The following ACP7 variants were observed in gnomAD, a reference collection of about 807,000 sequenced individuals.
ACP7 encodes the protein acid phosphatase 7, tartrate resistant (putative), also known as acid phosphatase type 7.
ACP7 carries 58 observed loss-of-function variants against 60.6 expected under a neutral mutation model. The ratio of observed to expected loss-of-function variants is 0.96; its 90% confidence interval spans 0.77 to 1.19. The LOEUF (loss-of-function observed/expected upper bound fraction) is 1.19. Among genes scored for constraint, ACP7 ranks in the 50% most tolerant of loss-of-function variants. ACP7 has a pLI of 0.00. For missense variants in ACP7, 574 were observed against 596.2 expected (o/e 0.96, Z 0.39); for synonymous variants, 237 against 232.6 (o/e 1.02, Z -0.17).
chr19:39,098,133 C>T (rs944163760), intron 2 of ACP7, among the ~76,000 whole-genome samples: 3 of 151,718 alleles, frequency 2.0e-5, no homozygotes, highest in African/African-American at 7.3e-5. Context: ...TGCTTGTAAT[C>T]CCAGCTACTC....
At position 39,099,135 on chromosome 19, in the gene ACP7, C is replaced by T. The variant is rs199766686; in HGVS notation, c.498C>T (p.Leu166=). 1 of 1,533,456 alleles carries T rather than the reference C, an allele frequency of 6.5e-7. No individual in the cohort carries two copies. Among genetic ancestry groups the T allele is most frequent in the Non-Finnish European group, 8.7e-7 (1 of 1,144,782 alleles). 95.0% of individuals were successfully genotyped at this position (1,533,456 alleles called of 1,614,324 possible). A position where few individuals can be genotyped will look rare whatever the true frequency, so the allele number is the denominator to read the frequency against. Residue 166 remains leucine (L), a synonymous_variant, in exon 4 of 13, where the codon CTC becomes CTT. Coordinates refer to ENST00000331256, the MANE Select transcript of ACP7 (RefSeq NM_001004318.3). ...DTQQGMYDAV[L]HVGDFAYNLD... ...AGCAGGGCATGTATGACGCCGTTCTCCATGTGGGTGAGGCATCCGCAGGGG... is the reference window on the plus strand; with the variant it reads ...AGCAGGGCATGTATGACGCCGTTCTTCATGTGGGTGAGGCATCCGCAGGGG...
Position 39,085,110 on chromosome 19 carries a change from T to C in ACP7, c.-160T>C, listed in dbSNP as rs8111996. The C allele has an allele frequency of 0.19, 167,008 of 895,602 alleles. 16,676 individuals carry two copies. The highest frequency in any genetic ancestry group is 0.28 in the Admixed American group (10,321 of 36,432). The allele number at this position is 895,602 out of a possible 1,614,324, so 55.5% of individuals were successfully genotyped here. On this transcript the variant is annotated 5_prime_UTR_variant, in exon 2 of 13. Coordinates refer to ENST00000331256, the MANE Select transcript of ACP7 (RefSeq NM_001004318.3). ...TCTCCAGCACCTGGATAACCACCCA[T>C]CTTGAAGGAGACCTCCCTGCCCTGC...
intron 2 of ACP7, among the ~76,000 whole-genome samples, chr19:39,086,118 G>C (rs2073138415): frequency 6.6e-6 from 1 of 151,842 alleles, no homozygotes; most frequent in Non-Finnish European, 1.5e-5. Flanking sequence ...GAGCTCATGA[G>C]TTTGGGACCA....
chr19:39,085,338 G>T lies in ACP7; in HGVS notation c.69G>T (p.Gly23=). 1 of 1,613,676 alleles carries T rather than the reference G, an allele frequency of 6.2e-7. No homozygotes were observed. Among genetic ancestry groups the T allele is most frequent in the Non-Finnish European group, 8.5e-7 (1 of 1,179,774 alleles). ...LLLLFSLGVQ[G]SLGAPSAAPE... The stretch of plus-strand genomic sequence containing the variant: ...TGCTATTCTCCTTGGGAGTCCAGGG[G>T]TCCCTGGGGGCTCCCAGCGCTGCCC... The change falls in exon 2 of 13, where the codon GGG becomes GGT. Residue 23 remains glycine (G), a synonymous_variant. Transcript: ENST00000331256.
rs2073458262 is a variant in ACP7 at position 39,110,462 on chromosome 19, C to T, written c.*344C>T. ...TTAAGCTCTGGCTCCATGGATTCTGCACATCTGCGGGGGATGCCGCTGGGC... is the reference window on the plus strand; with the variant it reads ...TTAAGCTCTGGCTCCATGGATTCTGTACATCTGCGGGGGATGCCGCTGGGC... On this transcript the variant is annotated 3_prime_UTR_variant, in exon 13 of 13. Transcript: ENST00000331256. The T allele has an allele frequency of 1.4e-5, 3 of 213,088 alleles. No homozygotes were observed. The South Asian group carries it at 3.8e-4, about 27-fold the overall frequency. The allele number at this position is 213,088 out of a possible 1,614,324, so 13.2% of individuals were successfully genotyped here.
At chr19:39,093,407 C>T (rs1395625180) in intron 2 of ACP7, among the ~76,000 whole-genome samples, 2 of 151,902 alleles carry the variant, frequency 1.3e-5, no homozygotes, top group Non-Finnish European at 2.9e-5. Context: ...GCACGCGCCA[C>T]CCTGCCCAGC....
In ACP7 at chr19:39,097,351, C is replaced by T. The variant is rs181997996; in HGVS notation, c.122-1107C>T. On this transcript the variant is annotated intron_variant, in intron 2 of 12. Transcript: ENST00000331256. ...CCATCTCACCGAGGTTGCAGTGAGC[C>T]GAGAATGCGCCATTGCACTCCAGCC... Among the ~76,000 whole-genome samples the T allele has an allele frequency of 1.1e-4, 16 of 146,164 alleles. No homozygotes were observed. The East Asian group carries it at 2.2e-3, about 21-fold the overall frequency.
intron 2 of ACP7, among the ~76,000 whole-genome samples, chr19:39,086,521 T>G (rs2073142824): frequency 6.6e-6 from 1 of 151,668 alleles, no homozygotes; most frequent in South Asian, 2.1e-4. Flanking sequence ...TCTCAGCTGC[T>G]TGGGGAGCTG....
chr19:39,104,380 A>G (rs1052225319), intron 11 of ACP7, among the ~76,000 whole-genome samples: 1 of 152,000 alleles, frequency 6.6e-6, no homozygotes, highest in Non-Finnish European at 1.5e-5. Flanking sequence ...AGAATTACCT[A>G]TGGAGCTTTC....
In ACP7 at chr19:39,108,274, G is replaced by A. The variant is rs180942721; in HGVS notation, c.1251+1190G>A. 9.5e-3 allele frequency among the ~76,000 whole-genome samples: 1,447 copies of A among 151,674 alleles called. 10 individuals carry two copies. Among genetic ancestry groups the A allele is most frequent in the Non-Finnish European group, 0.016 (1,075 of 67,928 alleles). On this transcript the variant is annotated intron_variant, in intron 12 of 12. Transcript: ENST00000331256. ...CCTACCTCAGCCTCCCGAGTAGCTG[G>A]GATCACAGGCGCCCACCACCACACC...
At chr19:39,105,114 C>G (rs1227744302) in intron 11 of ACP7, among the ~76,000 whole-genome samples, 2 of 151,232 alleles carry the variant, frequency 1.3e-5, no homozygotes, top group African/African-American at 4.9e-5. Flanking sequence ...CTCCCAGGCT[C>G]AAGCGATTCT....
chr19:39,107,426 C>CA (rs1321167138), intron 12 of ACP7, among the ~76,000 whole-genome samples: 5 of 150,810 alleles, frequency 3.3e-5, no homozygotes, highest in African/African-American at 1.2e-4. Flanking sequence ...ACTAAAAATA[C>CA]AAAAAAAATT....
intron 4 of ACP7, among the ~76,000 whole-genome samples, chr19:39,099,504 G>T (rs1296085197): frequency 1.3e-5 from 2 of 152,044 alleles, no homozygotes; most frequent in Non-Finnish European, 2.9e-5. Context: ...CCTTGTGCTG[G>T]TTATTATTAT....
chr19:39,098,634 A>G lies in ACP7; in HGVS notation c.298A>G (p.Lys100Glu). 2 of 1,612,608 alleles carry G rather than the reference A, an allele frequency of 1.2e-6. No individual in the cohort carries two copies. The highest frequency in any genetic ancestry group is 2.2e-5 in the South Asian group (2 of 90,720). ...KLYIHRVTLR[K>E]LLPGVQYVYR... is the part of the protein sequence containing the mutation. ...CTACATACACCGAGTCACGCTTCGC[A>G]AGCTGCTGCCAGGGGTTCAGTATGG... The change falls in exon 3 of 13, where the codon AAG becomes GAG. Residue 100 changes from lysine (K) to glutamate (E), a missense_variant. Coordinates refer to ENST00000331256, the MANE Select transcript of ACP7 (RefSeq NM_001004318.3).
chr19:39,092,355 C>T (rs2073212645), intron 2 of ACP7, among the ~76,000 whole-genome samples: 1 of 138,840 alleles, frequency 7.2e-6, no homozygotes, highest in Admixed American at 7.3e-5. Flanking sequence ...GCCTTGGCAA[C>T]AAGTGCGAAA....
chr19:39,100,443 A>C, intron 5 of ACP7, 93 bp downstream of exon 5: 1 of 1,601,334 alleles, frequency 6.2e-7, no homozygotes, highest in East Asian at 2.2e-5. Flanking sequence ...CTCATGCTGC[A>C]ACATTTCAAT....
chr19:39,088,040 T>G (rs1440812489), intron 2 of ACP7, among the ~76,000 whole-genome samples: 1 of 152,136 alleles, frequency 6.6e-6, no homozygotes, highest in African/African-American at 2.4e-5. Context: ...TCTTTTTTTT[T>G]AGATAGGGTC....
chr19:39,087,795 G>A (rs529138235), intron 2 of ACP7, among the ~76,000 whole-genome samples: 93 of 152,016 alleles, frequency 6.1e-4, no homozygotes, highest in African/African-American at 2.1e-3. Context: ...CACCACACCT[G>A]GCTAATTTTT....
chr19:39,102,811 T>C (rs1600269922), intron 11 of ACP7, among the ~76,000 whole-genome samples: 1 of 146,432 alleles, frequency 6.8e-6, no homozygotes, highest in Non-Finnish European at 1.5e-5. Flanking sequence ...CTTTCTTTTC[T>C]TCCTCCCTCC....
Sources: allele counts gnomAD v4.1 joint callset (sites outside exome capture counted in the v4.1 genomes callset), GRCh38; gene constraint gnomAD v4.1.1; transcripts MANE v1.5; gene names NCBI Gene and HGNC (gene_info 2026-07-23, HGNC 2026-07-21).